The following CDCP1 variants were observed in gnomAD, a reference collection of about 807,000 sequenced individuals.
CDCP1 encodes the protein CUB domain containing protein 1.
A neutral mutation model predicts 60.2 loss-of-function variants in CDCP1; 29 were observed. The observed-to-expected ratio is 0.48, with a 90% CI of 0.36 to 0.66. CDCP1 has a LOEUF of 0.66. Ranked by LOEUF, CDCP1 falls within the 30% of genes least tolerant of loss-of-function variation. The probability of loss-of-function intolerance (pLI) is 0.00; values close to 1 mark genes in which losing one functional copy is unlikely to be tolerated. For synonymous variants in CDCP1, 387 were observed against 431.1 expected (o/e 0.90, Z 1.27); for missense variants, 876 against 1,074.3 (o/e 0.82, Z 2.58).
At chr3:45,129,054 A>C (rs1186405723) in intron 1 of CDCP1, among the ~76,000 whole-genome samples, 1 of 152,226 alleles carries the variant, frequency 6.6e-6, no homozygotes, top group Admixed American at 6.5e-5. Context: ...ACCATTCCTC[A>C]AAAGCAATGC....
intron 2 of CDCP1, among the ~76,000 whole-genome samples, chr3:45,116,939 ATTG>A (rs1171611780): frequency 1.3e-5 from 2 of 152,056 alleles, no homozygotes; most frequent in African/African-American, 4.8e-5. Context: ...CTCTGTATAT[ATTG>A]TTAAGTCCAT....
At chr3:45,092,203 A>G (rs954425659) in intron 6 of CDCP1, among the ~76,000 whole-genome samples, 1 of 152,222 alleles carries the variant, frequency 6.6e-6, no homozygotes, top group African/African-American at 2.4e-5. Flanking sequence ...GAAAAAAAAC[A>G]AAACAAACAG....
At chr3:45,141,757 GGTT>G (rs770190434) in intron 1 of CDCP1, among the ~76,000 whole-genome samples, 8 of 152,202 alleles carry the variant, frequency 5.3e-5, no homozygotes, top group Non-Finnish European at 5.9e-5. Flanking sequence ...AAAATTACAA[GGTT>G]GTGGGAAGTG....
intron 6 of CDCP1, among the ~76,000 whole-genome samples, chr3:45,092,453 C>T (rs1406110592): frequency 6.6e-6 from 1 of 152,124 alleles, no homozygotes; most frequent in African/African-American, 2.4e-5. Flanking sequence ...AGAGATAAAA[C>T]CCACACATTC....
chr3:45,121,684 G>A (rs925579382), intron 1 of CDCP1, among the ~76,000 whole-genome samples: 6 of 152,204 alleles, frequency 3.9e-5, no homozygotes, highest in Non-Finnish European at 5.9e-5. Flanking sequence ...GATGGGGAGA[G>A]GGAATGGAGT....
At chr3:45,108,787 A>ATT (rs1559392558) in intron 4 of CDCP1, among the ~76,000 whole-genome samples, 1 of 34,738 alleles carries the variant, frequency 2.9e-5, no homozygotes, top group Non-Finnish European at 6.6e-5. Flanking sequence ...ATACATATAT[A>ATT]TGCATGTATA....
chr3:45,134,349 C>A (rs1199520071), intron 1 of CDCP1, among the ~76,000 whole-genome samples: 1 of 152,208 alleles, frequency 6.6e-6, no homozygotes. Flanking sequence ...TGGTCTCGAT[C>A]TCCTGACCTC....
In CDCP1 at chr3:45,085,858, G is replaced by A. The variant is rs570761435; in HGVS notation, c.2291C>T (p.Pro764Leu). The A allele has an allele frequency of 3.1e-6, 5 of 1,614,158 alleles. No homozygotes were observed. Among genetic ancestry groups the A allele is most frequent in the African/African-American group, 1.3e-5 (1 of 75,052 alleles). Residue 764 changes from proline (P) to leucine (L), a missense_variant, in exon 9 of 9, where the codon CCG (proline) becomes CTG (leucine). Pro to Leu is a moderately conservative substitution (Grantham distance 98). Around this residue, in one of 2 missense-constraint regions of CDCP1, gnomAD observed 726 missense variants for 935.7 expected, o/e 0.78. Coordinates refer to ENST00000296129, the MANE Select transcript of CDCP1 (RefSeq NM_022842.5). This position sits in a 1 kb window ranked among gnomAD's most constrained non-coding sequence, Gnocchi z 4.2. ...ACAGACCCCCATGGTGCCCTGGAAC[G>A]GCCGGTAGGTGTCCACCTCTGGCTG... ...FLQPEVDTYRPFQGTMGVCPP... is the reference protein window; with the variant it reads ...FLQPEVDTYRLFQGTMGVCPP...
At position 45,085,762 on chromosome 3, in the gene CDCP1, C is replaced by G. The variant is rs758270201; in HGVS notation, c.2387G>C (p.Arg796Pro). 4 of 1,614,046 alleles carry G rather than the reference C, an allele frequency of 2.5e-6. No individual in the cohort carries two copies. In the African/African-American group the frequency reaches 4.0e-5, roughly 16 times the overall value. ...TTCACTCTCAGACTCAGGAGGGGAG[C>G]GAGGAGGTGGCTCCTCAGTGGCCAA... ...AKLATEEPPP[R>P]SPPESESEPY... The change falls in exon 9 of 9, where the codon CGC (arginine) becomes CCC (proline). Residue 796 changes from arginine to proline, a missense_variant. Arg to Pro is a moderately radical substitution (Grantham distance 103). Transcript: ENST00000296129. This position sits in a 1 kb window ranked among gnomAD's most constrained non-coding sequence, Gnocchi z 4.2.
chr3:45,145,320 T>C (rs967635721), intron 1 of CDCP1, among the ~76,000 whole-genome samples: 1 of 152,120 alleles, frequency 6.6e-6, no homozygotes. Flanking sequence ...CCTGTACTAA[T>C]CTCGCGAAAC....
chr3:45,114,399 A>C (rs6786011), intron 2 of CDCP1, among the ~76,000 whole-genome samples: 57,998 of 150,618 alleles, frequency 0.39, 12,207 homozygotes, highest in African/African-American at 0.57. Context: ...CAGATTTCTA[A>C]TTTCATTAAC....
chr3:45,111,949 A>G (rs1169820158), intron 3 of CDCP1, 134 bp downstream of exon 3: 1 of 1,161,236 alleles, frequency 8.6e-7, no homozygotes, highest in Admixed American at 2.7e-5. Flanking sequence ...GTCACTTATA[A>G]GAGAGCTAGA....
At chr3:45,113,842 C>T (rs568680344) in intron 2 of CDCP1, among the ~76,000 whole-genome samples, 2 of 152,306 alleles carry the variant, frequency 1.3e-5, no homozygotes, top group East Asian at 3.9e-4. Context: ...AAGGTAGTTC[C>T]TATTTTAGGA....
At chr3:45,093,816 T>C (rs957153392) in intron 5 of CDCP1, among the ~76,000 whole-genome samples, 159 bp from the exon 6 acceptor site, 1 of 152,214 alleles carries the variant, frequency 6.6e-6, no homozygotes, top group African/African-American at 2.4e-5. Context: ...CTCCTCTGTG[T>C]TCCTTTTCTA....
At position 45,082,293 on chromosome 3, in the gene CDCP1, C is replaced by T. The variant is rs1167410511; in HGVS notation, c.*3345G>A. 6.6e-6 allele frequency: 1 copy of T among 152,164 alleles called. No homozygotes were observed. The highest frequency in any genetic ancestry group is 2.4e-5 in the African/African-American group (1 of 41,432). 9.4% of individuals were successfully genotyped at this position (152,164 alleles called of 1,614,324 possible). ...AACCAGTGGTGGCGAGACTCCAAGA[C>T]TATTATTTTTATTTCCGGACAAAAA... On this transcript the variant is annotated 3_prime_UTR_variant, in exon 9 of 9. Coordinates refer to ENST00000296129, the MANE Select transcript of CDCP1 (RefSeq NM_022842.5).
chr3:45,105,075 G>A (rs931384502), intron 4 of CDCP1, among the ~76,000 whole-genome samples: 68 of 152,084 alleles, frequency 4.5e-4, no homozygotes, highest in Non-Finnish European at 4.3e-4. Flanking sequence ...AAACATTTGA[G>A]CCTGATGTTT....
intron 4 of CDCP1, among the ~76,000 whole-genome samples, chr3:45,107,968 A>G (rs1698597674): frequency 6.6e-6 from 1 of 151,990 alleles, no homozygotes; most frequent in Admixed American, 6.6e-5. Flanking sequence ...AATACAAAAA[A>G]TTAGTTGGGT....
intron 1 of CDCP1, among the ~76,000 whole-genome samples, chr3:45,120,289 T>G (rs1698861267): frequency 6.6e-6 from 1 of 152,172 alleles, no homozygotes; most frequent in Non-Finnish European, 1.5e-5. Flanking sequence ...CATTCTACAC[T>G]CTGCTCCAAC....
At chr3:45,119,129 T>C (rs1407096587) in intron 1 of CDCP1, among the ~76,000 whole-genome samples, 1 of 152,028 alleles carries the variant, frequency 6.6e-6, no homozygotes, top group Non-Finnish European at 1.5e-5. Flanking sequence ...GTACGTATGG[T>C]AGTGGGGGCT....
Sources: allele counts gnomAD v4.1 joint callset (sites outside exome capture counted in the v4.1 genomes callset), GRCh38; gene constraint gnomAD v4.1.1; regional missense constraint gnomAD v4.1.1; non-coding constraint Gnocchi (gnomAD v3.1); transcripts MANE v1.5; gene names NCBI Gene and HGNC (gene_info 2026-07-23, HGNC 2026-07-21).